The following EYS variants were observed in gnomAD, a reference collection of about 807,000 sequenced individuals.
EYS encodes the protein EGF-like photoreceptor maintenance factor.
In EYS, 250 loss-of-function variants were observed where a neutral mutation model predicts 282.1. The ratio of observed to expected loss-of-function variants is 0.89; its 90% CI spans 0.80 to 0.98. EYS has a LOEUF of 0.98. Among genes scored for constraint, EYS ranks in the 50% least tolerant of loss-of-function variants. EYS has a pLI of 0.00. For missense variants in EYS, 4,016 were observed against 3,709.0 expected, an observed-to-expected ratio of 1.08 and a Z score of -2.15; for synonymous variants, 1,355 against 1,282.9, an observed-to-expected ratio of 1.06 and a Z score of -1.20.
intron 22 of EYS, among the ~76,000 whole-genome samples, chr6:64,667,361 C>T (rs1404170519): frequency 2.0e-5 from 3 of 151,954 alleles, no homozygotes; most frequent in African/African-American, 7.2e-5. Flanking sequence ...TTTGTTACAC[C>T]GTGGGTGGAG....
chr6:64,798,817 T>C (rs989673110), intron 22 of EYS, among the ~76,000 whole-genome samples: 1 of 151,574 alleles, frequency 6.6e-6, no homozygotes, highest in Non-Finnish European at 1.5e-5. Flanking sequence ...TACCCCAGCC[T>C]AAGTAAAGTA....
At chr6:64,876,109 A>C (rs1766743385) in intron 19 of EYS, among the ~76,000 whole-genome samples, 1 of 152,056 alleles carries the variant, frequency 6.6e-6, no homozygotes, top group Non-Finnish European at 1.5e-5. Flanking sequence ...TAGATTTACT[A>C]TAAAGAACAA....
At chr6:64,646,647 CA>C (rs1260939130) in intron 22 of EYS, among the ~76,000 whole-genome samples, 3 of 151,668 alleles carry the variant, frequency 2.0e-5, no homozygotes, top group Non-Finnish European at 4.4e-5. Context: ...ACTAAAAATA[CA>C]AAAAAACATT....
At position 64,720,357 on chromosome 6, in the gene EYS, T is replaced by G. The variant is rs147444275; in HGVS notation, c.3443+93021A>C. On this transcript the variant is annotated intron_variant, in intron 22 of 42. Transcript: ENST00000503581. ...GTTCTACCCAGATTATCCAGGACAA[T>G]CTCCCCATCTCAATATCCTTAACTT... 3.9e-4 allele frequency among the ~76,000 whole-genome samples: 60 copies of G among 152,304 alleles called. No individual in the cohort carries two copies. The East Asian group carries it at 0.011, about 27-fold the overall frequency.
chr6:64,808,979 T>C (rs1189435632), intron 22 of EYS, among the ~76,000 whole-genome samples: 1 of 152,134 alleles, frequency 6.6e-6, no homozygotes, highest in Non-Finnish European at 1.5e-5. Context: ...CCTTAGACCC[T>C]GGCAACCACA....
chr6:64,805,146 G>A (rs1156479108), intron 22 of EYS, among the ~76,000 whole-genome samples: 2 of 151,982 alleles, frequency 1.3e-5, no homozygotes, highest in African/African-American at 4.8e-5. Context: ...AGTATTATGT[G>A]TAAATCAGAT....
chr6:65,672,204 G>A (rs2149833113), intron 1 of EYS, among the ~76,000 whole-genome samples: 1 of 152,216 alleles, frequency 6.6e-6, no homozygotes, highest in Admixed American at 6.5e-5. Context: ...ACTTTCGGGA[G>A]GAGCTGCCTG....
chr6:64,770,684 A>T (rs370478494), intron 22 of EYS, among the ~76,000 whole-genome samples: 2 of 151,948 alleles, frequency 1.3e-5, no homozygotes, highest in Non-Finnish European at 2.9e-5. Context: ...TCACAGTCAA[A>T]GTGCTCTTTA....
At position 64,521,740 on chromosome 6, in the gene EYS, G is replaced by A. The variant is rs146414426; in HGVS notation, c.5644+68483C>T. ...TCTTATTTTGTCCCTTTTCCCTTAT[G>A]ACTTTTTTTGTAGTAACATATTTTA... On this transcript the variant is annotated intron_variant, in intron 26 of 42. Coordinates refer to ENST00000503581, the MANE Select transcript of EYS (RefSeq NM_001142800.2). 6.3e-3 allele frequency among the ~76,000 whole-genome samples: 949 copies of A among 151,834 alleles called. 25 individuals carry two copies. In the East Asian group the frequency reaches 0.067, roughly 11 times the overall value.
chr6:65,020,680 T>TG (rs1381484299), intron 13 of EYS, among the ~76,000 whole-genome samples: 2 of 152,168 alleles, frequency 1.3e-5, no homozygotes, highest in Non-Finnish European at 2.9e-5. Context: ...GGATTCTGTG[T>TG]GGGGGCTCCA....
intron 12 of EYS, among the ~76,000 whole-genome samples, chr6:65,293,960 A>G (rs968366163): frequency 6.6e-6 from 1 of 151,910 alleles, no homozygotes; most frequent in Non-Finnish European, 1.5e-5. Flanking sequence ...CAGAAAGCAC[A>G]TGAGTTTGGA....
intron 14 of EYS, among the ~76,000 whole-genome samples, chr6:64,996,108 T>C (rs1771254347): frequency 1.3e-5 from 2 of 152,100 alleles, no homozygotes. Context: ...AAAGGAACTC[T>C]GACTTCAGTA....
At chr6:63,727,300 C>T (rs754332866) in intron 41 of EYS, among the ~76,000 whole-genome samples, 4 of 151,938 alleles carry the variant, frequency 2.6e-5, no homozygotes, top group Non-Finnish European at 2.9e-5. Context: ...TCTTAGAGTG[C>T]GCCCTGGTTC....
At chr6:64,286,152 C>T (rs900149763) in intron 30 of EYS, among the ~76,000 whole-genome samples, 2 of 152,128 alleles carry the variant, frequency 1.3e-5, no homozygotes, top group African/African-American at 2.4e-5. Context: ...CAGGAAACCC[C>T]GACAGCATTT....
chr6:64,795,096 A>T (rs1774314195), intron 22 of EYS, among the ~76,000 whole-genome samples: 1 of 152,032 alleles, frequency 6.6e-6, no homozygotes, highest in South Asian at 2.1e-4. Flanking sequence ...TTAGCTGGGC[A>T]TGGTGGCAGA....
At chr6:65,554,273 A>T (rs551234824) in intron 2 of EYS, among the ~76,000 whole-genome samples, 1 of 152,166 alleles carries the variant, frequency 6.6e-6, no homozygotes, top group Non-Finnish European at 1.5e-5. Context: ...GGGTTTTTCA[A>T]AGATTTAGTA....
chr6:64,084,558 A>G (rs1772082084), intron 31 of EYS, among the ~76,000 whole-genome samples: 1 of 152,196 alleles, frequency 6.6e-6, no homozygotes, highest in Non-Finnish European at 1.5e-5. Context: ...ACAACTAGGA[A>G]TCAAGGCACC....
intron 2 of EYS, among the ~76,000 whole-genome samples, chr6:65,625,961 C>G (rs958887332): frequency 2.0e-5 from 3 of 152,084 alleles, no homozygotes; most frequent in Non-Finnish European, 4.4e-5. Flanking sequence ...ACTGAACTTT[C>G]CTGTGGATGT....
chr6:64,709,807 G>T (rs1419016883), intron 22 of EYS, among the ~76,000 whole-genome samples: 1 of 152,158 alleles, frequency 6.6e-6, no homozygotes, highest in Non-Finnish European at 1.5e-5. Context: ...TAACTTTGTG[G>T]CATGAAAATT....
Sources: allele counts gnomAD v4.1 joint callset (sites outside exome capture counted in the v4.1 genomes callset), GRCh38; gene constraint gnomAD v4.1.1; transcripts MANE v1.5; gene names NCBI Gene and HGNC (gene_info 2026-07-23, HGNC 2026-07-21).